Variants in ARHGAP26 observed in about 807,000 individuals in gnomAD.
The protein encoded by ARHGAP26 is Rho GTPase activating protein 26.
Under a neutral mutation model 104.8 loss-of-function variants are expected in ARHGAP26, and 38 were observed. The observed-to-expected ratio is 0.36, with a 90% CI of 0.28 to 0.48. The LOEUF is 0.48. Among genes scored for constraint, ARHGAP26 ranks in the 20% least tolerant of loss-of-function variants. The probability of loss-of-function intolerance (pLI) is 0.99; values close to 1 mark genes in which losing one functional copy is unlikely to be tolerated. For synonymous variants in ARHGAP26, 341 were observed against 340.0 expected (o/e 1.00, Z -0.03); for missense variants, 704 against 947.9 (o/e 0.74, Z 3.38).
chr5:143,178,547 A>G (rs1803835379), intron 20 of ARHGAP26, among the ~76,000 whole-genome samples: 1 of 152,170 alleles, frequency 6.6e-6, no homozygotes, highest in Admixed American at 6.5e-5. Context: ...TCCTCCAGGG[A>G]GCCTTCCCTG....
chr5:142,976,591 C>T (rs1773128501), intron 11 of ARHGAP26, among the ~76,000 whole-genome samples: 1 of 152,092 alleles, frequency 6.6e-6, no homozygotes, highest in Non-Finnish European at 1.5e-5. Context: ...TAAAAGCGCA[C>T]CTAAGTAAGA....
At chr5:142,778,358 C>T (rs137899464) in intron 1 of ARHGAP26, among the ~76,000 whole-genome samples, 202 of 152,258 alleles carry the variant, frequency 1.3e-3, no homozygotes, top group African/African-American at 4.8e-3. Context: ...AGAGTATAGA[C>T]GTATACAGTG....
At position 143,217,198 on chromosome 5, in the gene ARHGAP26, G is replaced by A. The variant is rs180670923; in HGVS notation, c.2191+3110G>A. Among the ~76,000 whole-genome samples the A allele has an allele frequency of 5.9e-5, 9 of 152,274 alleles. No homozygotes were observed. The East Asian group carries it at 1.2e-3, about 20-fold the overall frequency. ...AAGGAAGAGGAAAAGGGAGGGGCCC[G>A]TGGAGGGGAAAGTCTGTTGTTTCGT... is the stretch of plus-strand genomic sequence containing the variant. On this transcript the variant is annotated intron_variant, in intron 22 of 22. Coordinates refer to ENST00000645722, the MANE Select transcript of ARHGAP26 (RefSeq NM_001135608.3).
At chr5:142,903,728 G>T in intron 8 of ARHGAP26, 59 bp downstream of exon 8, 2 of 1,578,034 alleles carry the variant, frequency 1.3e-6, no homozygotes, top group Non-Finnish European at 1.7e-6. Flanking sequence ...CTAGAAGGTG[G>T]AGGATGTATT....
At chr5:143,207,945 C>G (rs756395316) in intron 21 of ARHGAP26, among the ~76,000 whole-genome samples, 76 of 152,182 alleles carry the variant, frequency 5.0e-4, no homozygotes, top group Non-Finnish European at 2.4e-4. Flanking sequence ...AGAGACGAAG[C>G]GATTTCTCTT....
rs573264665 is a variant in ARHGAP26 at position 142,925,850 on chromosome 5, A to C, written c.1029-6197A>C. Among the ~76,000 whole-genome samples, 273 of 152,322 alleles carry C rather than the reference A, an allele frequency of 1.8e-3. 1 individual carries two copies. The highest frequency in any genetic ancestry group is 2.8e-3 in the Non-Finnish European group (188 of 68,028). On this transcript the variant is annotated intron_variant, in intron 10 of 22. Coordinates refer to ENST00000645722, the MANE Select transcript of ARHGAP26 (RefSeq NM_001135608.3). ...ATGAACTCTTGCCAACAGAAGATTT[A>C]TAGTCTTATGAATGAGTAAATTCTA...
intron 6 of ARHGAP26, among the ~76,000 whole-genome samples, chr5:142,895,556 T>C (rs1759361985): frequency 6.6e-6 from 1 of 152,072 alleles, no homozygotes; most frequent in African/African-American, 2.4e-5. Context: ...CTTAAGCAAA[T>C]AAGAATAAAA....
At chr5:143,111,136 T>C (rs766603976) in intron 17 of ARHGAP26, among the ~76,000 whole-genome samples, 10 of 152,252 alleles carry the variant, frequency 6.6e-5, no homozygotes, top group Non-Finnish European at 1.3e-4. Flanking sequence ...TTAGAGATTT[T>C]ATACTGTTGG....
At position 143,040,231 on chromosome 5, in the gene ARHGAP26, C is replaced by T. The variant is rs139943980; in HGVS notation, c.1211-1585C>T. Among the ~76,000 whole-genome samples, 130 of 152,280 alleles carry T rather than the reference C, an allele frequency of 8.5e-4. 1 individual carries two copies. The highest frequency in any genetic ancestry group is 3.4e-3 in the Middle Eastern group (1 of 294). ...TCACTTAGTTTTTGAAGTTTTTGAC[C>T]AGGGACTCCTAGTCCGTGAATCATG... is the stretch of plus-strand genomic sequence containing the variant. On this transcript the variant is annotated intron_variant, in intron 13 of 22. Transcript: ENST00000645722.
chr5:143,022,270 A>T (rs1780449873), intron 12 of ARHGAP26, among the ~76,000 whole-genome samples: 1 of 151,908 alleles, frequency 6.6e-6, no homozygotes, highest in Non-Finnish European at 1.5e-5. Context: ...ATGGGGTTTC[A>T]CCATGTTGGC....
chr5:142,974,205 G>GTT (rs71821935), intron 11 of ARHGAP26, among the ~76,000 whole-genome samples: 2 of 143,272 alleles, frequency 1.4e-5, no homozygotes, highest in African/African-American at 2.5e-5. Flanking sequence ...TTGTATTTCA[G>GTT]TTTTTTTTTT....
At chr5:143,059,875 G>A (rs3776338) in intron 17 of ARHGAP26, among the ~76,000 whole-genome samples, 73,128 of 151,910 alleles carry the variant, frequency 0.48, 22,339 homozygotes, top group East Asian at 0.91. Context: ...AGACTATAGC[G>A]GACTCAAATT....
intron 10 of ARHGAP26, among the ~76,000 whole-genome samples, chr5:142,927,941 T>C (rs1389063717): frequency 1.3e-5 from 2 of 152,226 alleles, no homozygotes; most frequent in Non-Finnish European, 2.9e-5. Context: ...CTTAGCCTTA[T>C]TGGCCATTTG....
At position 142,913,661 on chromosome 5, in the gene ARHGAP26, A is replaced by G. The variant is rs1197671653; in HGVS notation, c.1028+368A>G. 2.0e-5 allele frequency among the ~76,000 whole-genome samples: 3 copies of G among 152,216 alleles called. 1 individual carries two copies. In the East Asian group the frequency reaches 5.8e-4, roughly 29 times the overall value. ...AGTATTTAGCATGATTGTATCAGCT[A>G]TTTGAATTTTTTTTAACTGAAAAAG... On this transcript the variant is annotated intron_variant, in intron 10 of 22. Transcript: ENST00000645722.
chr5:143,100,911 C>G (rs1014298042), intron 17 of ARHGAP26, among the ~76,000 whole-genome samples: 1 of 152,048 alleles, frequency 6.6e-6, no homozygotes, highest in African/African-American at 2.4e-5. Flanking sequence ...GCCAACATGG[C>G]GAAACCCTGT....
At chr5:142,985,032 C>T (rs1302578573) in intron 11 of ARHGAP26, among the ~76,000 whole-genome samples, 2 of 152,132 alleles carry the variant, frequency 1.3e-5, no homozygotes, top group East Asian at 3.9e-4. Flanking sequence ...TCCTGAAGAC[C>T]TTACAGTGGG....
At chr5:142,851,096 A>ATT (rs570143559) in intron 1 of ARHGAP26, among the ~76,000 whole-genome samples, 17 of 143,468 alleles carry the variant, frequency 1.2e-4, no homozygotes, top group East Asian at 4.0e-4. Context: ...TGGAAAATAC[A>ATT]TTTTTTTTTT....
intron 14 of ARHGAP26, among the ~76,000 whole-genome samples, chr5:143,048,242 G>A (rs1441253321): frequency 6.6e-6 from 1 of 151,794 alleles, no homozygotes; most frequent in Non-Finnish European, 1.5e-5. Context: ...TAAACTTTAT[G>A]GTGCATTTGT....
chr5:142,770,722 C>A lies in ARHGAP26; in HGVS notation c.-40C>A. 1.7e-6 allele frequency: 2 copies of A among 1,176,402 alleles called. No individual in the cohort carries two copies. Among genetic ancestry groups the A allele is most frequent in the Non-Finnish European group, 2.1e-6 (2 of 945,856 alleles). 72.9% of individuals were successfully genotyped at this position (1,176,402 alleles called of 1,614,324 possible). A position where few individuals can be genotyped will look rare whatever the true frequency, so the allele number is the denominator to read the frequency against. On this transcript the variant is annotated 5_prime_UTR_variant, in exon 1 of 23. Coordinates refer to ENST00000645722, the MANE Select transcript of ARHGAP26 (RefSeq NM_001135608.3). Reference sequence around the variant, plus strand: ...CTCTGGGCGGCGGGCGGCCCGGGCCCCGGCGGAGGCGCGCCCCCCGGCTGG... The same window carrying A: ...CTCTGGGCGGCGGGCGGCCCGGGCCACGGCGGAGGCGCGCCCCCCGGCTGG...
Sources: allele counts gnomAD v4.1 joint callset (sites outside exome capture counted in the v4.1 genomes callset), GRCh38; gene constraint gnomAD v4.1.1; transcripts MANE v1.5; gene names NCBI Gene and HGNC (gene_info 2026-07-23, HGNC 2026-07-21).